Variants in OVOL1 observed in about 807,000 individuals in gnomAD.
The protein encoded by OVOL1 is ovo like transcriptional repressor 1, also known as putative transcription factor Ovo-like 1.
A neutral mutation model predicts 21.5 loss-of-function variants in OVOL1; 10 were observed. That is an observed-to-expected ratio of 0.46 (90% confidence interval 0.29 to 0.79). The LOEUF is 0.79. OVOL1 is among the 30% of genes least tolerant of loss of function. The pLI, the probability that OVOL1 is intolerant of heterozygous loss-of-function variation, is 0.10. For missense variants in OVOL1, 279 were observed against 362.3 expected (o/e 0.77, Z 1.87); for synonymous variants, 129 against 150.3 (o/e 0.86, Z 1.03).
At position 65,795,186 on chromosome 11, in the gene OVOL1, G is replaced by C. The variant is rs1565231802; in HGVS notation, c.649G>C (p.Glu217Gln). Residue 217 changes from glutamate to glutamine, a missense_variant, in exon 4 of 4, where the codon GAG becomes CAG. By Grantham distance (29) the Glu-to-Gln change is conservative (BLOSUM62 2). Transcript: ENST00000335987. The surrounding 1 kb of genome is among the most constrained non-coding windows in gnomAD (Gnocchi z 5.7). ...GCGGGCCAAGCTGTACGTGTGTGAG[G>C]AGTGCGGCTGCACATCTGAGAGCCA... ...ERRAKLYVCEECGCTSESQEG... is the reference protein window; with the variant it reads ...ERRAKLYVCEQCGCTSESQEG... 1 of 1,613,158 alleles carries C rather than the reference G, an allele frequency of 6.2e-7. No homozygotes were observed. Among genetic ancestry groups the C allele is most frequent in the Non-Finnish European group, 8.5e-7 (1 of 1,180,022 alleles).
Position 65,795,688 on chromosome 11 carries a change from G to T in OVOL1, c.*347G>T, listed in dbSNP as rs1858118703. ...CAGCAGGACTTCCTACCCAGAGGAG[G>T]TTCGAGCTAGGATCCCACTGCCCCC... On this transcript the variant is annotated 3_prime_UTR_variant, in exon 4 of 4. Coordinates refer to ENST00000335987, the MANE Select transcript of OVOL1 (RefSeq NM_004561.4). This position sits in a 1 kb window ranked among gnomAD's most constrained non-coding sequence, Gnocchi z 5.7. The T allele has an allele frequency of 2.8e-6, 1 of 356,758 alleles. No individual in the cohort carries two copies. Among genetic ancestry groups the T allele is most frequent in the Admixed American group, 4.1e-5 (1 of 24,296 alleles). 22.1% of individuals were successfully genotyped at this position (356,758 alleles called of 1,614,324 possible).
intron 3 of OVOL1, 101 bp from the exon 4 acceptor site, chr11:65,794,945 G>GAGGGATGGGGCAGGA: frequency 1.6e-6 from 2 of 1,253,750 alleles, no homozygotes; most frequent in Non-Finnish European, 2.2e-6. Flanking sequence ...CCATCCCTTG[G>GAGGGATGGGGCAGGA]CCCTAGAGGC....
In OVOL1 at chr11:65,795,668, G is replaced by A; in HGVS notation, c.*327G>A. ...GACAGGCACTGTGTGCCTGGCAGCA[G>A]GACTTCCTACCCAGAGGAGGTTCGA... On this transcript the variant is annotated 3_prime_UTR_variant, in exon 4 of 4. Coordinates refer to ENST00000335987, the MANE Select transcript of OVOL1 (RefSeq NM_004561.4). The surrounding 1 kb of genome is among the most constrained non-coding windows in gnomAD (Gnocchi z 5.7). 2.4e-6 allele frequency: 1 copy of A among 422,896 alleles called. No individual in the cohort carries two copies. Among genetic ancestry groups the A allele is most frequent in the Non-Finnish European group, 4.4e-6 (1 of 229,026 alleles). The allele number at this position is 422,896 out of a possible 1,614,324, so 26.2% of individuals were successfully genotyped here. A position where few individuals can be genotyped will look rare whatever the true frequency, so the allele number is the denominator to read the frequency against.
Position 65,787,156 on chromosome 11 carries a change from G to A in OVOL1, c.-218G>A, listed in dbSNP as rs1260163726. The A allele has an allele frequency of 9.1e-6, 4 of 439,424 alleles. No individual in the cohort carries two copies. In the East Asian group the frequency reaches 1.8e-4, roughly 20 times the overall value. The allele number at this position is 439,424 out of a possible 1,614,324, so 27.2% of individuals were successfully genotyped here. ...CCCGCGCCGCCCGGTGCACCTGGCCGCAAGGGACCTCGTTCTCAGGGAAGA... is the reference window on the plus strand; with the variant it reads ...CCCGCGCCGCCCGGTGCACCTGGCCACAAGGGACCTCGTTCTCAGGGAAGA... On this transcript the variant is annotated 5_prime_UTR_variant, in exon 1 of 4. Coordinates refer to ENST00000335987, the MANE Select transcript of OVOL1 (RefSeq NM_004561.4).
In OVOL1 at chr11:65,795,346, C is replaced by T; in HGVS notation, c.*5C>T. On this transcript the variant is annotated 3_prime_UTR_variant, in exon 4 of 4. Coordinates refer to ENST00000335987, the MANE Select transcript of OVOL1 (RefSeq NM_004561.4). This position sits in a 1 kb window ranked among gnomAD's most constrained non-coding sequence, Gnocchi z 5.7. ...CAGGGCAGCCCCCACCTGTGAGTGG[C>T]TCGAGCCCTGGGGGTGCTCCTGGAA... The T allele has an allele frequency of 6.3e-7, 1 of 1,580,378 alleles. No homozygotes were observed. Among genetic ancestry groups the T allele is most frequent in the East Asian group, 2.3e-5 (1 of 43,034 alleles).
chr11:65,791,829 A>G (rs1419796442), intron 1 of OVOL1, among the ~76,000 whole-genome samples: 1 of 152,242 alleles, frequency 6.6e-6, no homozygotes, highest in African/African-American at 2.4e-5. Context: ...GAAACATCTA[A>G]TTAGGGACAG....
intron 1 of OVOL1, chr11:65,793,721 A>C: frequency 2.2e-6 from 1 of 444,834 alleles, no homozygotes; most frequent in Non-Finnish European, 4.1e-6. Context: ...ATTCAGAGGG[A>C]CCAGCCCAGG....
chr11:65,794,158 C>CTG lies in OVOL1; in HGVS notation c.233_234dup (p.Val79TrpfsTer13). 2 of 1,613,770 alleles carry CTG rather than the reference C, an allele frequency of 1.2e-6. No individual in the cohort carries two copies. The highest frequency in any genetic ancestry group is 1.7e-6 in the Non-Finnish European group (2 of 1,179,994). On this transcript the variant is annotated frameshift_variant, in exon 2 of 4. Transcript: ENST00000335987. LOFTEE classifies it high-confidence loss of function. ...CTAGCTACAGCATGGCCCCCGGGCC[C>CTG]TGTGTGGTGGCCCAGCTGCCCTCTG... is the stretch of plus-strand genomic sequence containing the variant.
At chr11:65,793,138 T>G (rs1178923908) in intron 1 of OVOL1, among the ~76,000 whole-genome samples, 1 of 152,222 alleles carries the variant, frequency 6.6e-6, no homozygotes, top group Non-Finnish European at 1.5e-5. Flanking sequence ...CTCTGTTGGC[T>G]TTGAGAATTG....
intron 1 of OVOL1, among the ~76,000 whole-genome samples, chr11:65,792,986 C>T (rs937984006): frequency 1.1e-4 from 16 of 152,222 alleles, no homozygotes; most frequent in African/African-American, 3.1e-4. Context: ...CAGCCTCCCT[C>T]GGAAGCTCAC....
chr11:65,793,301 C>T (rs186016639), intron 1 of OVOL1, among the ~76,000 whole-genome samples: 26 of 152,308 alleles, frequency 1.7e-4, no homozygotes, highest in African/African-American at 5.8e-4. Flanking sequence ...TCGGTGCTGC[C>T]GCTGCTGAGG....
At position 65,797,028 on chromosome 11, in the gene OVOL1, T is replaced by G. The variant is rs1007955651; in HGVS notation, c.*1687T>G. The G allele has an allele frequency of 6.6e-6, 1 of 152,232 alleles. No homozygotes were observed. The highest frequency in any genetic ancestry group is 1.5e-5 in the Non-Finnish European group (1 of 68,050). 9.4% of individuals were successfully genotyped at this position (152,232 alleles called of 1,614,324 possible). A position where few individuals can be genotyped will look rare whatever the true frequency, so the allele number is the denominator to read the frequency against. On this transcript the variant is annotated 3_prime_UTR_variant, in exon 4 of 4. Transcript: ENST00000335987. ...CTAAAATCTCTTGTTTCACTTGACT[T>G]TAGAGTGTCTGGGACGCTGCTGTAT... is the stretch of plus-strand genomic sequence containing the variant.
At chr11:65,789,654 A>C (rs964966447) in intron 1 of OVOL1, 3 of 985,102 alleles carry the variant, frequency 3.0e-6, no homozygotes, top group African/African-American at 3.5e-5. Context: ...ATGACCCCAG[A>C]GCCAGCTGGG....
At chr11:65,789,644 A>G in intron 1 of OVOL1, 1 of 955,478 alleles carries the variant, frequency 1.0e-6, no homozygotes, top group African/African-American at 1.8e-5. Context: ...CCAGCCAACC[A>G]TGACCCCAGA....
intron 1 of OVOL1, among the ~76,000 whole-genome samples, chr11:65,791,795 A>G (rs10791824): frequency 0.53 from 80,018 of 152,132 alleles, 21,569 homozygotes; most frequent in South Asian, 0.6. Flanking sequence ...GGTGATGAGT[A>G]GTCATAGCGC....
chr11:65,788,719 G>A (rs919520179), intron 1 of OVOL1: 1 of 985,322 alleles, frequency 1.0e-6, no homozygotes, highest in African/African-American at 1.7e-5. Context: ...AGCTTAACCT[G>A]ATCTCAAGGG....
chr11:65,793,459 G>A (rs1367828809), intron 1 of OVOL1, among the ~76,000 whole-genome samples: 1 of 152,246 alleles, frequency 6.6e-6, no homozygotes, highest in Non-Finnish European at 1.5e-5. Context: ...TTTCCCTGCA[G>A]AGCTGGGACC....
chr11:65,794,971 T>C (rs1858099755), intron 3 of OVOL1, 75 bp from the exon 4 acceptor site: 1 of 1,486,974 alleles, frequency 6.7e-7, no homozygotes. Context: ...TCCTGTCCTT[T>C]CTGTGTCTGG....
intron 1 of OVOL1, among the ~76,000 whole-genome samples, chr11:65,791,401 G>C (rs1017148340): frequency 5.9e-5 from 9 of 152,238 alleles, no homozygotes; most frequent in African/African-American, 1.9e-4. Flanking sequence ...TTCTGGGGCA[G>C]CACCCATGTG....
Sources: gnomAD v4.1 joint callset for allele counts (sites outside exome capture counted in the v4.1 genomes callset) on GRCh38, gnomAD v4.1.1 for gene constraint, Gnocchi (gnomAD v3.1) non-coding constraint, MANE v1.5 for transcripts, NCBI Gene and HGNC (gene_info 2026-07-23, HGNC 2026-07-21) for gene names.